Variants in ZNF521 observed in about 807,000 individuals in gnomAD.
ZNF521 encodes the protein LYST-interacting protein 3.
ZNF521 carries 14 observed loss-of-function variants against 105.5 expected under a neutral mutation model. The observed-to-expected ratio is 0.13, with a 90% CI of 0.09 to 0.21. The LOEUF (loss-of-function observed/expected upper bound fraction) is 0.21. Ranked by LOEUF, ZNF521 falls within the 10% of genes least tolerant of loss-of-function variation. The pLI, the probability that ZNF521 is intolerant of heterozygous loss-of-function variation, is 1.00. For missense variants in ZNF521, 1,233 were observed against 1,629.7 expected, an observed-to-expected ratio of 0.76 and a Z score of 4.19; for synonymous variants, 635 against 606.0, an observed-to-expected ratio of 1.05 and a Z score of -0.70.
At chr18:25,129,814 G>C (rs2034607870) in intron 5 of ZNF521, among the ~76,000 whole-genome samples, 1 of 151,794 alleles carries the variant, frequency 6.6e-6, no homozygotes, top group African/African-American at 2.4e-5. Context: ...CAGAATGACT[G>C]ATTTCCGAAA....
chr18:25,222,548 A>G (rs1465318796), intron 4 of ZNF521, among the ~76,000 whole-genome samples: 1 of 152,232 alleles, frequency 6.6e-6, no homozygotes, highest in East Asian at 1.9e-4. Context: ...CACAAGCAAC[A>G]CCAAAATCAC....
chr18:25,227,627 A>G lies in ZNF521; in HGVS notation c.291T>C (p.Thr97=), dbSNP rs570832903. ...PASSPSSKDQ[T]SPSHGEGCDF... ...CGCAACCTTCTCCATGGCTAGGGGA[A>G]GTCTGATCCTTGCTAGAAGGTGAGG... The change falls in exon 4 of 8, where the codon ACT becomes ACC. Residue 97 remains threonine (T), a synonymous_variant. Coordinates refer to ENST00000361524, the MANE Select transcript of ZNF521 (RefSeq NM_015461.3). The surrounding 1 kb of genome is among the most constrained non-coding windows in gnomAD (Gnocchi z 5.7). 1 of 1,614,162 alleles carries G rather than the reference A, an allele frequency of 6.2e-7. No homozygotes were observed. Among genetic ancestry groups the G allele is most frequent in the African/African-American group, 1.3e-5 (1 of 75,048 alleles).
intron 5 of ZNF521, among the ~76,000 whole-genome samples, chr18:25,112,154 TTAAA>T (rs754733767): frequency 1.9e-3 from 291 of 152,160 alleles, no homozygotes; most frequent in Admixed American, 4.5e-3. Context: ...TTGTATGGAG[TTAAA>T]TAAATAAATA....
chr18:25,324,838 T>C (rs962586190), intron 2 of ZNF521, among the ~76,000 whole-genome samples: 8 of 152,230 alleles, frequency 5.3e-5, no homozygotes, highest in South Asian at 2.1e-4. Flanking sequence ...GAAGAATGCA[T>C]GATGGCTTCG....
At chr18:25,270,082 A>T (rs1909548037) in intron 3 of ZNF521, among the ~76,000 whole-genome samples, 1 of 152,204 alleles carries the variant, frequency 6.6e-6, no homozygotes. Flanking sequence ...TTGACACAAT[A>T]AAAAACGATA....
Position 25,226,589 on chromosome 18 carries a change from C to A in ZNF521, c.1329G>T (p.Leu443Phe), listed in dbSNP as rs1906148257. 2 of 1,614,124 alleles carry A rather than the reference C, an allele frequency of 1.2e-6. No homozygotes were observed. The highest frequency in any genetic ancestry group is 8.5e-7 in the Non-Finnish European group (1 of 1,180,018). The change falls in exon 4 of 8, where the codon TTG becomes TTT. Residue 443 changes from leucine (L) to phenylalanine (F), a missense_variant. Physicochemically the swap from Leu to Phe is conservative, Grantham distance 22. Transcript: ENST00000361524. The surrounding 1 kb of genome is among the most constrained non-coding windows in gnomAD (Gnocchi z 4.1). ...GGTTATAGAGTGAGGGCAGGACCTC[C>A]AAGCAATACTGACAAATATGGGCCT... is the stretch of plus-strand genomic sequence containing the variant. ...PEQAHICQYCLEVLPSLYNLN... is the reference protein window; with the variant it reads ...PEQAHICQYCFEVLPSLYNLN...
intron 3 of ZNF521, among the ~76,000 whole-genome samples, chr18:25,233,649 C>CT (rs992974384): frequency 1.3e-5 from 2 of 149,928 alleles, no homozygotes; most frequent in Non-Finnish European, 3.0e-5. Context: ...GATATCAGAG[C>CT]TCAAGCTCAG....
At chr18:25,167,263 T>C (rs1239852620) in intron 5 of ZNF521, among the ~76,000 whole-genome samples, 1 of 152,232 alleles carries the variant, frequency 6.6e-6, no homozygotes, top group Non-Finnish European at 1.5e-5. Context: ...TGTGGGCTGC[T>C]TGTCTCTTTA....
intron 3 of ZNF521, among the ~76,000 whole-genome samples, chr18:25,285,016 C>A (rs184036649): frequency 6.6e-6 from 1 of 150,918 alleles, no homozygotes; most frequent in Admixed American, 6.6e-5. Context: ...CTTACCCTGA[C>A]TTTGTCTTTA....
chr18:25,238,113 C>A (rs1362306130), intron 3 of ZNF521, among the ~76,000 whole-genome samples: 7 of 152,150 alleles, frequency 4.6e-5, no homozygotes, highest in Non-Finnish European at 7.3e-5. Flanking sequence ...CACCTTGGCT[C>A]TACGTATTAG....
At chr18:25,335,580 A>AGAT (rs1913829592) in intron 2 of ZNF521, among the ~76,000 whole-genome samples, 1 of 152,238 alleles carries the variant, frequency 6.6e-6, no homozygotes, top group Admixed American at 6.5e-5. Context: ...TATCATTTAA[A>AGAT]GATATTCCAC....
At chr18:25,118,699 G>T (rs986567033) in intron 5 of ZNF521, among the ~76,000 whole-genome samples, 1 of 151,958 alleles carries the variant, frequency 6.6e-6, no homozygotes, top group Non-Finnish European at 1.5e-5. Flanking sequence ...GATTCAGAAA[G>T]TCCAAAAGGG....
At chr18:25,174,021 A>G (rs961032722) in intron 5 of ZNF521, among the ~76,000 whole-genome samples, 1 of 152,210 alleles carries the variant, frequency 6.6e-6, no homozygotes, top group Non-Finnish European at 1.5e-5. Flanking sequence ...AAGAGTTAAC[A>G]TATTTTTTAA....
intron 3 of ZNF521, among the ~76,000 whole-genome samples, chr18:25,311,699 G>A (rs1292903622): frequency 1.3e-5 from 2 of 152,142 alleles, no homozygotes; most frequent in Non-Finnish European, 2.9e-5. Flanking sequence ...GGACATGGGA[G>A]AAATTCTTGA....
chr18:25,269,707 A>G (rs1909516440), intron 3 of ZNF521, among the ~76,000 whole-genome samples: 1 of 152,216 alleles, frequency 6.6e-6, no homozygotes, highest in Non-Finnish European at 1.5e-5. Flanking sequence ...ACATAAAGAA[A>G]TGAAGGCAGA....
At chr18:25,204,850 T>C (rs777108549) in intron 4 of ZNF521, among the ~76,000 whole-genome samples, 7 of 152,088 alleles carry the variant, frequency 4.6e-5, no homozygotes, top group Non-Finnish European at 8.8e-5. Context: ...CTAGATCATC[T>C]CATTTAATGT....
intron 5 of ZNF521, among the ~76,000 whole-genome samples, chr18:25,111,119 G>A (rs7226381): frequency 0.19 from 28,765 of 151,638 alleles, 2,711 homozygotes; most frequent in African/African-American, 0.2. Flanking sequence ...CTATTTTCTC[G>A]ACAAGCAGAA....
intron 5 of ZNF521, 130 bp from the exon 6 acceptor site, chr18:25,092,211 G>T: frequency 9.7e-7 from 1 of 1,031,840 alleles, no homozygotes; most frequent in Non-Finnish European, 1.3e-6. Context: ...ATTATATATG[G>T]TTTCTGGTTA....
chr18:25,274,638 T>C (rs1455017254), intron 3 of ZNF521, among the ~76,000 whole-genome samples: 3 of 152,204 alleles, frequency 2.0e-5, no homozygotes, highest in African/African-American at 7.2e-5. Context: ...TCAATATAGC[T>C]GAATCTACTC....
Sources: allele counts gnomAD v4.1 joint callset (sites outside exome capture counted in the v4.1 genomes callset), GRCh38; gene constraint gnomAD v4.1.1; non-coding constraint Gnocchi (gnomAD v3.1); transcripts MANE v1.5; gene names NCBI Gene and HGNC (gene_info 2026-07-23, HGNC 2026-07-21).